The following NFIB variants were observed in gnomAD, a reference collection of about 807,000 sequenced individuals.
NFIB encodes nuclear factor I B.
In NFIB, 11 loss-of-function variants were observed where a neutral mutation model predicts 61.5. The observed-to-expected ratio is 0.18, with a 90% CI of 0.11 to 0.30. The LOEUF (loss-of-function observed/expected upper bound fraction) is 0.30, where lower values mean the gene tolerates loss of function less well. Among genes scored for constraint, NFIB ranks in the 10% least tolerant of loss-of-function variants. The pLI is 1.00. For missense variants in NFIB, 471 were observed against 608.9 expected (o/e 0.77, Z 2.38); for synonymous variants, 260 against 216.5 (o/e 1.20, Z -1.76).
chr9:14,398,432 T>C, intron 1 of NFIB: 1 of 914,786 alleles, frequency 1.1e-6, no homozygotes, highest in Non-Finnish European at 1.6e-6. Flanking sequence ...AGAGCAGCCA[T>C]ATTTTCTGAA....
chr9:14,395,160 T>C (rs2061668845), intron 1 of NFIB, among the ~76,000 whole-genome samples: 1 of 152,076 alleles, frequency 6.6e-6, no homozygotes, highest in Non-Finnish European at 1.5e-5. Flanking sequence ...ACAGAGCACC[T>C]GGCAGATTGA....
the NFIB span, among the ~76,000 whole-genome samples, chr9:14,427,952 T>TTTTTTTG: frequency 7.0e-5 from 8 of 113,812 alleles, 1 homozygote; most frequent in Non-Finnish European, 1.5e-4. Flanking sequence ...TTTTTTTTTT[T>TTTTTTTG]TTTTTTTTTT....
At chr9:14,434,891 G>C in the NFIB span, among the ~76,000 whole-genome samples, 1 of 152,194 alleles carries the variant, frequency 6.6e-6, no homozygotes, top group Non-Finnish European at 1.5e-5. Flanking sequence ...CCTGGGAACA[G>C]CTGGAGCTAG....
At chr9:14,449,281 G>A in the NFIB span, among the ~76,000 whole-genome samples, 1 of 152,254 alleles carries the variant, frequency 6.6e-6, no homozygotes, top group African/African-American at 2.4e-5. Context: ...TTCAAGCGGT[G>A]ATTCTCAAAC....
intron 10 of NFIB, among the ~76,000 whole-genome samples, chr9:14,107,820 C>T (rs2036792208): frequency 6.6e-6 from 1 of 152,068 alleles, no homozygotes; most frequent in Non-Finnish European, 1.5e-5. Context: ...ATTCCCTCTA[C>T]CTCCCTGATT....
intron 2 of NFIB, among the ~76,000 whole-genome samples, chr9:14,282,766 T>C (rs902769168): frequency 1.8e-4 from 28 of 152,312 alleles, no homozygotes; most frequent in African/African-American, 6.7e-4. Context: ...GTTTCTGAAT[T>C]AGGCCGCACA....
chr9:14,310,549 A>C (rs958012874), intron 1 of NFIB, among the ~76,000 whole-genome samples: 5 of 152,216 alleles, frequency 3.3e-5, no homozygotes, highest in African/African-American at 4.8e-5. Flanking sequence ...TGATACAAAA[A>C]TATTTTTTTA....
intron 3 of NFIB, among the ~76,000 whole-genome samples, chr9:14,162,378 G>GT (rs538127350): frequency 6.6e-6 from 1 of 151,844 alleles, no homozygotes; most frequent in Non-Finnish European, 1.5e-5. Flanking sequence ...AGATTCTCCG[G>GT]TTTTTTTCTA....
chr9:14,108,149 C>T (rs995778771), intron 10 of NFIB, among the ~76,000 whole-genome samples: 4 of 152,088 alleles, frequency 2.6e-5, no homozygotes, highest in Admixed American at 2.0e-4. Flanking sequence ...CTCTTATCCA[C>T]TTACATACCT....
intron 2 of NFIB, among the ~76,000 whole-genome samples, chr9:14,265,043 A>T (rs533854769): frequency 5.3e-5 from 8 of 152,336 alleles, no homozygotes; most frequent in Admixed American, 5.2e-4. Context: ...ACGCTCTGCA[A>T]GATCAGTCAT....
At chr9:14,205,288 GAAGA>G (rs796173726) in intron 2 of NFIB, among the ~76,000 whole-genome samples, 22 of 111,862 alleles carry the variant, frequency 2.0e-4, no homozygotes, top group African/African-American at 6.3e-4. Flanking sequence ...GGGAGGGAAA[GAAGA>G]AAGGAAGGGG....
Position 14,154,755 on chromosome 9 carries a change from A to G in NFIB, c.685+1070T>C, listed in dbSNP as rs117527041. ...ACGTTCATATGTATCACTCCCTGCT[A>G]TACATGCTATTTGCACTGTTCACTT... On this transcript the variant is annotated intron_variant, in intron 4 of 10. Transcript: ENST00000380953. Among the ~76,000 whole-genome samples the G allele has an allele frequency of 1.5e-4, 23 of 152,334 alleles. No homozygotes were observed. In the South Asian group the frequency reaches 2.5e-3, roughly 16 times the overall value.
chr9:14,451,517 G>A, the NFIB span, among the ~76,000 whole-genome samples: 5 of 151,956 alleles, frequency 3.3e-5, no homozygotes, highest in Non-Finnish European at 5.9e-5. Context: ...TCTGTAAAAG[G>A]TAAGCACTTA....
the NFIB span, among the ~76,000 whole-genome samples, chr9:14,510,160 A>C: frequency 3.2e-4 from 48 of 152,298 alleles, no homozygotes; most frequent in East Asian, 8.9e-3. Flanking sequence ...CCTCCCAAAG[A>C]ACTGGGATTA....
chr9:14,350,829 C>A (rs2061099934), intron 1 of NFIB, among the ~76,000 whole-genome samples: 1 of 152,170 alleles, frequency 6.6e-6, no homozygotes, highest in Non-Finnish European at 1.5e-5. Flanking sequence ...CTGCTTCCAA[C>A]AACCCCCTTA....
At chr9:14,246,938 T>G (rs1241003605) in intron 2 of NFIB, among the ~76,000 whole-genome samples, 1 of 152,204 alleles carries the variant, frequency 6.6e-6, no homozygotes, top group Admixed American at 6.5e-5. Context: ...TTAGTATCCC[T>G]ACAAAGAAGA....
chr9:14,370,357 C>T (rs944332200), intron 1 of NFIB, among the ~76,000 whole-genome samples: 1 of 152,044 alleles, frequency 6.6e-6, no homozygotes, highest in Admixed American at 6.6e-5. Flanking sequence ...TTGATGTAAC[C>T]CCAACCCCAA....
intron 5 of NFIB, 78 bp from the exon 6 acceptor site, chr9:14,146,885 G>A (rs781229510): frequency 1.3e-6 from 2 of 1,557,586 alleles, no homozygotes; most frequent in East Asian, 2.3e-5. Context: ...GATCTGAGAA[G>A]ATCCTTACTG....
chr9:14,440,190 G>A, the NFIB span, among the ~76,000 whole-genome samples: 6 of 152,118 alleles, frequency 3.9e-5, no homozygotes, highest in East Asian at 1.9e-4. Flanking sequence ...GCAGTCTACC[G>A]CCACAGAGCT....
Sources: allele counts gnomAD v4.1 joint callset (sites outside exome capture counted in the v4.1 genomes callset), GRCh38; gene constraint gnomAD v4.1.1; transcripts MANE v1.5; gene names NCBI Gene and HGNC (gene_info 2026-07-23, HGNC 2026-07-21).